The following DPP6 variants were observed in gnomAD, a reference collection of about 807,000 sequenced individuals.
DPP6 encodes the protein dipeptidyl peptidase like 6.
DPP6 carries 69 observed loss-of-function variants against 122.6 expected under a neutral mutation model. That is an observed-to-expected ratio of 0.56 (90% CI 0.46 to 0.69). The LOEUF (loss-of-function observed/expected upper bound fraction) is 0.69, where lower values mean the gene tolerates loss of function less well. Among genes scored for constraint, DPP6 ranks in the 30% least tolerant of loss-of-function variants. The pLI, the probability that DPP6 is intolerant of heterozygous loss-of-function variation, is 0.00. For synonymous variants in DPP6, 418 were observed against 433.1 expected (o/e 0.97, Z 0.43); for missense variants, 928 against 1,116.9 (o/e 0.83, Z 2.41).
rs192070367 is a variant in DPP6, at chr7:154,269,888, C to T, written c.244-176326C>T. On this transcript the variant is annotated intron_variant, in intron 1 of 25. Coordinates refer to ENST00000377770, the MANE Select transcript of DPP6 (RefSeq NM_130797.4). The stretch of plus-strand genomic sequence containing the variant: ...ACAGTAAAGTATAGCTGCCGTATAC[C>T]GTACTTCTTAGGTATAAAATTCATG... 1.8e-3 allele frequency among the ~76,000 whole-genome samples: 267 copies of T among 152,196 alleles called. 3 individuals carry two copies. Among genetic ancestry groups the T allele is most frequent in the Middle Eastern group, 0.017 (5 of 294 alleles).
chr7:154,319,563 C>T (rs1044267381), intron 1 of DPP6, among the ~76,000 whole-genome samples: 12 of 151,898 alleles, frequency 7.9e-5, no homozygotes, highest in African/African-American at 2.4e-4. Context: ...GGTGTGGTGG[C>T]GGGTGCCTGT....
rs536055719 is a variant in DPP6, at chr7:154,008,023, C to T, written c.51+120289C>T. Among the ~76,000 whole-genome samples, 377 of 152,296 alleles carry T rather than the reference C, an allele frequency of 2.5e-3. 1 individual carries two copies. Among genetic ancestry groups the T allele is most frequent in the African/African-American group, 8.9e-3 (369 of 41,550 alleles). ...CCCGGATGTTCAGAAGAAAAGGACC[C>T]TGCTGAACACATGCAGTAGTTTCCA... On this transcript the variant is annotated intron_variant, in intron 1 of 25. Transcript: ENST00000404039.
chr7:154,226,937 G>T (rs529454803), intron 1 of DPP6, among the ~76,000 whole-genome samples: 41 of 152,230 alleles, frequency 2.7e-4, no homozygotes, highest in Admixed American at 6.5e-4. Flanking sequence ...CAAGGATCCA[G>T]TCAGATAATA....
intron 1 of DPP6, among the ~76,000 whole-genome samples, chr7:154,056,529 A>C (rs1800830275): frequency 6.6e-6 from 1 of 152,110 alleles, no homozygotes; most frequent in African/African-American, 2.4e-5. Context: ...CCATTAGAGC[A>C]GTAGTTTTTT....
At chr7:154,116,019 C>T (rs1417261898) in intron 1 of DPP6, among the ~76,000 whole-genome samples, 26 of 151,238 alleles carry the variant, frequency 1.7e-4, no homozygotes, top group Admixed American at 6.6e-5. Context: ...GTTTCTGTGG[C>T]AAATGGTTAA....
intron 1 of DPP6, among the ~76,000 whole-genome samples, chr7:153,997,503 C>G (rs1459605546): frequency 2.0e-5 from 3 of 151,956 alleles, no homozygotes; most frequent in African/African-American, 4.8e-5. Flanking sequence ...CAGGCATTCA[C>G]CTGGTGATCA....
chr7:153,932,897 G>T (rs758760386), intron 1 of DPP6, among the ~76,000 whole-genome samples: 2 of 152,150 alleles, frequency 1.3e-5, no homozygotes, highest in African/African-American at 4.8e-5. Flanking sequence ...TGGGCGGGAC[G>T]TGGCGGGAGG....
chr7:154,010,328 A>G (rs1300944922), intron 1 of DPP6, among the ~76,000 whole-genome samples: 1 of 152,252 alleles, frequency 6.6e-6, no homozygotes, highest in Admixed American at 6.5e-5. Context: ...AGACACATAC[A>G]ACGGAAGCCC....
At chr7:154,124,055 A>G (rs1807704349) in intron 1 of DPP6, among the ~76,000 whole-genome samples, 1 of 151,530 alleles carries the variant, frequency 6.6e-6, no homozygotes, top group African/African-American at 2.4e-5. Context: ...CTTACCTGGG[A>G]TAGATGTGCC....
the DPP6 span, among the ~76,000 whole-genome samples, chr7:153,875,924 C>CAA: frequency 0.035 from 4,421 of 126,782 alleles, 147 homozygotes; most frequent in African/African-American, 0.071. Context: ...ATATGAGGAC[C>CAA]AAAAAAAAAA....
chr7:154,282,259 A>G lies in DPP6; in HGVS notation c.244-163955A>G, dbSNP rs1804565916. Among the ~76,000 whole-genome samples, 1 of 152,138 alleles carries G rather than the reference A, an allele frequency of 6.6e-6. No homozygotes were observed. Among genetic ancestry groups the G allele is most frequent in the South Asian group, 2.1e-4 (1 of 4,828 alleles). ...TTCATTGATGGTGGCAGCTTTAGCC[A>G]GGCAGTGGTTTCCCTGTTGTACAAT... On this transcript the variant is annotated intron_variant, in intron 1 of 25. Transcript: ENST00000377770. The surrounding 1 kb of genome is among the most constrained non-coding windows in gnomAD (Gnocchi z 4.8).
the DPP6 span, among the ~76,000 whole-genome samples, chr7:153,813,564 T>C: frequency 5.3e-5 from 8 of 152,106 alleles, no homozygotes; most frequent in Non-Finnish European, 1.2e-4. Context: ...CTGGGTCAAA[T>C]GGTATTTCTA....
intron 5 of DPP6, among the ~76,000 whole-genome samples, chr7:154,592,624 G>A (rs758564017): frequency 1.9e-4 from 21 of 112,054 alleles, no homozygotes; most frequent in African/African-American, 4.4e-4. Flanking sequence ...GGGGGAGGAC[G>A]GCAGGGACGG....
chr7:153,845,433 A>G, the DPP6 span, among the ~76,000 whole-genome samples: 1 of 151,906 alleles, frequency 6.6e-6, no homozygotes, highest in Non-Finnish European at 1.5e-5. Flanking sequence ...ATACTGCTAA[A>G]CTTTTGATCA....
chr7:154,110,148 A>G (rs867415255), intron 1 of DPP6, among the ~76,000 whole-genome samples: 95 of 151,990 alleles, frequency 6.3e-4, no homozygotes, highest in African/African-American at 2.1e-3. Flanking sequence ...CAGGCTACCA[A>G]TGGGTGGGGA....
chr7:154,773,940 C>G (rs1470396458), intron 10 of DPP6, among the ~76,000 whole-genome samples: 1 of 152,182 alleles, frequency 6.6e-6, no homozygotes, highest in Non-Finnish European at 1.5e-5. Context: ...TTGCCCCACA[C>G]CCTGAGCTCC....
intron 1 of DPP6, among the ~76,000 whole-genome samples, chr7:153,900,778 T>C (rs1799612149): frequency 6.6e-6 from 1 of 152,174 alleles, no homozygotes; most frequent in East Asian, 1.9e-4. Context: ...AAGCTGAAAG[T>C]GCCATGTCTT....
At chr7:154,587,028 G>T (rs1358530477) in intron 5 of DPP6, 2 of 152,602 alleles carry the variant, frequency 1.3e-5, no homozygotes, top group African/African-American at 4.8e-5. Context: ...AATGGGAAAT[G>T]ATTTCATCAA....
intron 3 of DPP6, among the ~76,000 whole-genome samples, chr7:154,516,386 G>A (rs993499318): frequency 5.3e-5 from 8 of 152,172 alleles, no homozygotes; most frequent in Non-Finnish European, 8.8e-5. Flanking sequence ...AGGCGCTGAG[G>A]AACCGTGCTA....
Sources: allele counts gnomAD v4.1 joint callset (sites outside exome capture counted in the v4.1 genomes callset), GRCh38; gene constraint gnomAD v4.1.1; non-coding constraint Gnocchi (gnomAD v3.1); transcripts MANE v1.5; gene names NCBI Gene and HGNC (gene_info 2026-07-23, HGNC 2026-07-21).